The following SNX29 variants were observed in gnomAD, a reference collection of about 807,000 sequenced individuals.
SNX29 encodes sorting nexin-29.
In SNX29, 78 loss-of-function variants were observed where a neutral mutation model predicts 102.1. The observed-to-expected ratio is 0.76, with a 90% confidence interval of 0.64 to 0.92. The LOEUF (loss-of-function observed/expected upper bound fraction) is 0.92. SNX29 is among the 40% of genes least tolerant of loss of function. The probability of loss-of-function intolerance (pLI) is 0.00; values close to 1 mark genes in which losing one functional copy is unlikely to be tolerated. For synonymous variants in SNX29, 580 were observed against 414.5 expected, an observed-to-expected ratio of 1.40 and a Z score of -4.85; for missense variants, 1,280 against 1,061.7, an observed-to-expected ratio of 1.21 and a Z score of -2.86.
intron 19 of SNX29, among the ~76,000 whole-genome samples, chr16:12,497,780 C>G (rs2088904682): frequency 6.6e-6 from 1 of 152,192 alleles, no homozygotes; most frequent in African/African-American, 2.4e-5. Flanking sequence ...CTAGGCGCCT[C>G]AGGCAGAAAG....
intron 14 of SNX29, among the ~76,000 whole-genome samples, chr16:12,217,660 T>C (rs1200479346): frequency 2.6e-5 from 4 of 152,200 alleles, no homozygotes; most frequent in Admixed American, 2.0e-4. Flanking sequence ...CATGCTTATT[T>C]CCCCTGTAAA....
At chr16:12,461,082 A>G (rs1597458649) in intron 18 of SNX29, among the ~76,000 whole-genome samples, 1 of 152,258 alleles carries the variant, frequency 6.6e-6, no homozygotes, top group Admixed American at 6.5e-5. Flanking sequence ...CACATTTTAC[A>G]TTAAGAAATT....
chr16:12,081,450 C>T (rs901192584), intron 11 of SNX29: 5 of 152,114 alleles, frequency 3.3e-5, no homozygotes, highest in African/African-American at 1.2e-4. Flanking sequence ...TATGGCCCCA[C>T]TGACCAAGAA....
At chr16:12,548,202 A>G (rs765813653) in intron 20 of SNX29, among the ~76,000 whole-genome samples, 1 of 152,146 alleles carries the variant, frequency 6.6e-6, no homozygotes, top group Non-Finnish European at 1.5e-5. Flanking sequence ...AGCGCCTCCC[A>G]CAAGGCCACG....
At chr16:12,226,946 A>G (rs113789218) in intron 14 of SNX29, among the ~76,000 whole-genome samples, 5,361 of 152,308 alleles carry the variant, frequency 0.035, 347 homozygotes, top group African/African-American at 0.12. Flanking sequence ...TTCAGGCGGC[A>G]GGGTCTGGCT....
intron 20 of SNX29, among the ~76,000 whole-genome samples, chr16:12,537,572 CTT>C (rs958564414): frequency 2.9e-4 from 44 of 152,270 alleles, no homozygotes; most frequent in African/African-American, 9.9e-4. Context: ...GCAATTTTGA[CTT>C]TGTTTTTACT....
At position 12,414,935 on chromosome 16, in the gene SNX29, C is replaced by G. The variant is rs537500690; in HGVS notation, c.2037+11406C>G. Among the ~76,000 whole-genome samples the G allele has an allele frequency of 2.0e-5, 3 of 152,276 alleles. No homozygotes were observed. In the East Asian group the frequency reaches 5.8e-4, roughly 29 times the overall value. On this transcript the variant is annotated intron_variant, in intron 18 of 20. Transcript: ENST00000566228. ...ATGGGGTTTCACCATGTTGGCTAGGCTGGTCTCGAACTCCTAACCTCAAAT... is the reference window on the plus strand; with the variant it reads ...ATGGGGTTTCACCATGTTGGCTAGGGTGGTCTCGAACTCCTAACCTCAAAT...
chr16:12,353,950 G>T (rs986947539), intron 15 of SNX29, among the ~76,000 whole-genome samples: 1 of 152,162 alleles, frequency 6.6e-6, no homozygotes, highest in South Asian at 2.1e-4. Flanking sequence ...TTTTCTGTGG[G>T]TGTTGAAAAA....
chr16:12,164,363 A>G (rs907832176), intron 13 of SNX29, among the ~76,000 whole-genome samples: 6 of 152,050 alleles, frequency 3.9e-5, no homozygotes, highest in African/African-American at 1.4e-4. Flanking sequence ...GTTTAAGAAA[A>G]CCCGTGCGAT....
chr16:12,240,435 T>TCA (rs2078066852), intron 14 of SNX29, among the ~76,000 whole-genome samples: 1 of 152,206 alleles, frequency 6.6e-6, no homozygotes, highest in Non-Finnish European at 1.5e-5. Flanking sequence ...TTTCCAGGAC[T>TCA]ATTGACCATT....
At chr16:12,409,922 G>A (rs1414590621) in intron 18 of SNX29, among the ~76,000 whole-genome samples, 1 of 152,168 alleles carries the variant, frequency 6.6e-6, no homozygotes, top group African/African-American at 2.4e-5. Flanking sequence ...TTTCATTTGC[G>A]CAACAGAACC....
chr16:12,204,227 C>T (rs2076989434), intron 14 of SNX29, among the ~76,000 whole-genome samples: 1 of 152,186 alleles, frequency 6.6e-6, no homozygotes, highest in African/African-American at 2.4e-5. Flanking sequence ...GACAGTCCTA[C>T]CCTGGACTTT....
At chr16:12,224,333 A>G (rs957174476) in intron 14 of SNX29, among the ~76,000 whole-genome samples, 1 of 151,848 alleles carries the variant, frequency 6.6e-6, no homozygotes, top group Non-Finnish European at 1.5e-5. Flanking sequence ...TTTCTCCGAC[A>G]ACTGTTTTTA....
intron 13 of SNX29, among the ~76,000 whole-genome samples, chr16:12,153,908 G>A (rs1029684103): frequency 6.6e-5 from 10 of 152,204 alleles, no homozygotes; most frequent in Non-Finnish European, 1.3e-4. Flanking sequence ...CAGTTTGTCT[G>A]ATGTGTTCCA....
intron 11 of SNX29, among the ~76,000 whole-genome samples, chr16:12,113,098 T>C (rs1259048879): frequency 6.6e-6 from 1 of 152,248 alleles, no homozygotes; most frequent in Non-Finnish European, 1.5e-5. Context: ...ACTCCAAGAC[T>C]GGGCAGCATC....
In SNX29 at chr16:12,569,117, C is replaced by T. The variant is rs1430059028; in HGVS notation, c.*488C>T. The T allele has an allele frequency of 1.2e-3, 52 of 41,736 alleles. No homozygotes were observed. Among genetic ancestry groups the T allele is most frequent in the South Asian group, 9.1e-3 (6 of 658 alleles). The allele number at this position is 41,736 out of a possible 1,614,324, so 2.6% of individuals were successfully genotyped here. On this transcript the variant is annotated 3_prime_UTR_variant, in exon 21 of 21. Transcript: ENST00000566228. ...CCTGGCCTAACCTAGGGATGGCTGGCTTTGCGGGGGGGGGGGGGGGGGGGG... is the reference window on the plus strand; with the variant it reads ...CCTGGCCTAACCTAGGGATGGCTGGTTTTGCGGGGGGGGGGGGGGGGGGGG...
chr16:12,259,079 C>T (rs1392633941), intron 14 of SNX29, among the ~76,000 whole-genome samples: 1 of 152,210 alleles, frequency 6.6e-6, no homozygotes, highest in Non-Finnish European at 1.5e-5. Context: ...CTGCCCTCTG[C>T]TTCCCCAGAG....
chr16:12,135,771 T>A, intron 13 of SNX29: 1 of 445,408 alleles, frequency 2.2e-6, no homozygotes, highest in Non-Finnish European at 4.0e-6. Flanking sequence ...ATTATACTCA[T>A]AAGAGTCCTG....
chr16:12,546,958 CCATCCACCCATT>C (rs1480690722), intron 20 of SNX29, among the ~76,000 whole-genome samples: 3 of 152,170 alleles, frequency 2.0e-5, no homozygotes, highest in African/African-American at 7.2e-5. Flanking sequence ...CCCCACCCCT[CCATCCACCCATT>C]CCTCCAATTA....
Sources: gnomAD v4.1 joint callset for allele counts (sites outside exome capture counted in the v4.1 genomes callset) on GRCh38, gnomAD v4.1.1 for gene constraint, MANE v1.5 for transcripts, NCBI Gene and HGNC (gene_info 2026-07-23, HGNC 2026-07-21) for gene names.